The following SNX7 variants were observed in gnomAD, a reference collection of about 807,000 sequenced individuals.
The protein encoded by SNX7 is sorting nexin-7.
SNX7 carries 35 observed loss-of-function variants against 48.4 expected under a neutral mutation model. That is an observed-to-expected ratio of 0.72 (90% CI 0.55 to 0.96). The LOEUF is 0.96. Among genes scored for constraint, SNX7 ranks in the 40% least tolerant of loss-of-function variants. The pLI is 0.00. For missense variants in SNX7, 553 were observed against 548.9 expected, an observed-to-expected ratio of 1.01 and a Z score of -0.07; for synonymous variants, 190 against 190.2, an observed-to-expected ratio of 1.00 and a Z score of 0.01.
chr1:98,758,848 A>G (rs1011894524), intron 8 of SNX7, among the ~76,000 whole-genome samples: 4 of 152,072 alleles, frequency 2.6e-5, no homozygotes, highest in Non-Finnish European at 5.9e-5. Context: ...ATTAAATCAC[A>G]GTATGTAATC....
intron 1 of SNX7, among the ~76,000 whole-genome samples, chr1:98,673,912 A>G (rs181127360): frequency 3.3e-5 from 5 of 152,334 alleles, no homozygotes; most frequent in Admixed American, 1.3e-4. Context: ...ATTATGGTAT[A>G]TAAGATTAAT....
chr1:98,693,826 A>C (rs1293916941), intron 4 of SNX7, among the ~76,000 whole-genome samples: 1 of 152,160 alleles, frequency 6.6e-6, no homozygotes, highest in Non-Finnish European at 1.5e-5. Context: ...TTATCTGTAA[A>C]TTAGGTAGTC....
intron 7 of SNX7, among the ~76,000 whole-genome samples, chr1:98,704,882 G>A (rs1421737262): frequency 6.6e-6 from 1 of 152,178 alleles, no homozygotes; most frequent in African/African-American, 2.4e-5. Context: ...AGTAAGAAAA[G>A]CAAAGATTAG....
chr1:98,666,239 A>G (rs908817598), intron 1 of SNX7, among the ~76,000 whole-genome samples: 4 of 152,182 alleles, frequency 2.6e-5, no homozygotes, highest in African/African-American at 9.7e-5. Context: ...ACAAACAAGG[A>G]ATACTGAGGC....
chr1:98,678,278 C>T (rs2100926778), intron 1 of SNX7, among the ~76,000 whole-genome samples: 1 of 152,226 alleles, frequency 6.6e-6, no homozygotes, highest in Non-Finnish European at 1.5e-5. Flanking sequence ...TGCCTGAACT[C>T]ATAGACTGAG....
chr1:98,750,427 G>T (rs1654525119), intron 8 of SNX7, among the ~76,000 whole-genome samples: 1 of 151,992 alleles, frequency 6.6e-6, no homozygotes, highest in African/African-American at 2.4e-5. Flanking sequence ...AAATGCCATA[G>T]ATTTGTTTGG....
At chr1:98,704,745 A>G (rs957697818) in intron 7 of SNX7, among the ~76,000 whole-genome samples, 11 of 152,144 alleles carry the variant, frequency 7.2e-5, no homozygotes, top group Non-Finnish European at 1.0e-4. Flanking sequence ...GAGACAACCC[A>G]GGGGCCATTT....
chr1:98,661,473 C>G (rs971967486), upstream of SNX7, among the ~76,000 whole-genome samples: 11 of 152,146 alleles, frequency 7.2e-5, no homozygotes, highest in Non-Finnish European at 1.6e-4. Flanking sequence ...CTCCTCTTCT[C>G]CAGGGTACAG....
intron 8 of SNX7, among the ~76,000 whole-genome samples, chr1:98,758,402 C>G (rs573580313): frequency 6.6e-6 from 1 of 152,040 alleles, no homozygotes; most frequent in South Asian, 2.1e-4. Flanking sequence ...CCTCCTCTTC[C>G]TATTTTATTT....
At chr1:98,690,549 A>T (rs936770930) in intron 2 of SNX7, among the ~76,000 whole-genome samples, 31 of 152,192 alleles carry the variant, frequency 2.0e-4, no homozygotes, top group African/African-American at 7.2e-4. Context: ...AAATCACTCT[A>T]AAATGTTAGA....
chr1:98,756,267 A>G (rs895537358), intron 8 of SNX7, among the ~76,000 whole-genome samples: 3 of 151,792 alleles, frequency 2.0e-5, no homozygotes, highest in African/African-American at 7.2e-5. Context: ...TACATGTATT[A>G]TAAGCCCTGC....
intron 1 of SNX7, chr1:98,662,809 G>C (rs1363303901): frequency 1.6e-6 from 2 of 1,289,288 alleles, no homozygotes; most frequent in Non-Finnish European, 2.0e-6. Context: ...GTTACCTGGA[G>C]ATATTAGGTA....
chr1:98,754,149 C>A (rs1307691298), intron 8 of SNX7, among the ~76,000 whole-genome samples: 1 of 151,934 alleles, frequency 6.6e-6, no homozygotes, highest in East Asian at 1.9e-4. Flanking sequence ...GATAATATTG[C>A]ATTTAATATC....
intron 1 of SNX7, among the ~76,000 whole-genome samples, chr1:98,682,420 C>A (rs983657526): frequency 6.6e-6 from 1 of 151,932 alleles, no homozygotes; most frequent in African/African-American, 2.4e-5. Flanking sequence ...TTGGCATATT[C>A]TCTTATTTTG....
intron 1 of SNX7, among the ~76,000 whole-genome samples, chr1:98,675,969 G>T (rs766625650): frequency 1.5e-4 from 23 of 152,012 alleles, no homozygotes; most frequent in Non-Finnish European, 2.9e-4. Context: ...AATTTTAACG[G>T]TTTTTCTGGT....
At position 98,695,796 on chromosome 1, in the gene SNX7, A is replaced by G. The variant is rs1170369275; in HGVS notation, c.838+80A>G. 3.0e-6 allele frequency: 3 copies of G among 996,178 alleles called. No homozygotes were observed. In the East Asian group the frequency reaches 7.2e-5, roughly 24 times the overall value. The allele number at this position is 996,178 out of a possible 1,614,324, so 61.7% of individuals were successfully genotyped here. On this transcript the variant is annotated intron_variant, in intron 5 of 8. Coordinates refer to ENST00000306121, the MANE Select transcript of SNX7 (RefSeq NM_015976.5). ...TCACATTTGTTGGTGTAATATAGCA[A>G]CATTCAGTTAGAATGTCAGCTTCAA...
At chr1:98,701,491 T>G (rs527519146) in intron 6 of SNX7, among the ~76,000 whole-genome samples, 9 of 152,234 alleles carry the variant, frequency 5.9e-5, no homozygotes, top group Admixed American at 2.0e-4. Flanking sequence ...TTTTTGTTTG[T>G]TTTGCTCTTT....
intron 7 of SNX7, among the ~76,000 whole-genome samples, chr1:98,717,432 T>C (rs1652646207): frequency 1.3e-5 from 2 of 152,204 alleles, no homozygotes; most frequent in Admixed American, 1.3e-4. Flanking sequence ...ATTGTGCTAT[T>C]AACTATATTT....
At chr1:98,738,042 C>T (rs956320043) in intron 7 of SNX7, among the ~76,000 whole-genome samples, 195 bp from the exon 8 acceptor site, 1 of 152,148 alleles carries the variant, frequency 6.6e-6, no homozygotes, top group Non-Finnish European at 1.5e-5. Flanking sequence ...GAACTGTACT[C>T]TACAACCCTG....
Sources: allele counts gnomAD v4.1 joint callset (sites outside exome capture counted in the v4.1 genomes callset), GRCh38; gene constraint gnomAD v4.1.1; transcripts MANE v1.5; gene names NCBI Gene and HGNC (gene_info 2026-07-23, HGNC 2026-07-21).